The following PAX5 variants were observed in gnomAD, a reference collection of about 807,000 sequenced individuals.
The protein encoded by PAX5 is paired box protein Pax-5.
PAX5 carries 9 observed loss-of-function variants against 43.7 expected under a neutral mutation model. The observed-to-expected ratio is 0.21, with a 90% CI of 0.12 to 0.36. The LOEUF is 0.36. PAX5 is among the 10% of genes least tolerant of loss of function. The pLI is 1.00. For missense variants in PAX5, 383 were observed against 532.7 expected, an observed-to-expected ratio of 0.72 and a Z score of 2.77; for synonymous variants, 228 against 214.3, an observed-to-expected ratio of 1.06 and a Z score of -0.56.
intron 5 of PAX5, among the ~76,000 whole-genome samples, chr9:36,973,110 GAAAGGAAAGGAAAGGAAAGGAAAGA>G (rs1275555955): frequency 0.056 from 4,882 of 87,862 alleles, 132 homozygotes; most frequent in South Asian, 0.071. Flanking sequence ...GAAAGGAAAG[GAAAGGAAAGGAAAGGAAAGGAAAGA>G]AAAGGAAAGG....
At chr9:36,865,270 C>T in intron 8 of PAX5, among the ~76,000 whole-genome samples, 1 of 152,188 alleles carries the variant, frequency 6.6e-6, no homozygotes, top group South Asian at 2.1e-4. Flanking sequence ...CAGCAACCCT[C>T]AGCTTCTGAG....
chr9:37,029,975 C>T (rs752961379), intron 1 of PAX5, among the ~76,000 whole-genome samples: 1 of 152,140 alleles, frequency 6.6e-6, no homozygotes, highest in Non-Finnish European at 1.5e-5. Flanking sequence ...GGGGGAGGGG[C>T]GATGCTGCCA....
chr9:36,920,322 A>G (rs954012843), intron 7 of PAX5, among the ~76,000 whole-genome samples: 1 of 152,234 alleles, frequency 6.6e-6, no homozygotes, highest in Non-Finnish European at 1.5e-5. Flanking sequence ...GAAATCTTTC[A>G]TGAAAAGAAG....
intron 1 of PAX5, among the ~76,000 whole-genome samples, chr9:37,022,686 A>G (rs768688365): frequency 1.3e-5 from 2 of 152,250 alleles, no homozygotes; most frequent in Non-Finnish European, 2.9e-5. Context: ...CAGGACATTT[A>G]TGAGCACTGG....
At chr9:36,873,893 A>G (rs772609920) in intron 8 of PAX5, among the ~76,000 whole-genome samples, 1 of 152,206 alleles carries the variant, frequency 6.6e-6, no homozygotes, top group Non-Finnish European at 1.5e-5. Flanking sequence ...TGGGCAGTAT[A>G]TATTTTCTCC....
intron 3 of PAX5, 114 bp from the exon 4 acceptor site, chr9:37,006,651 G>A (rs41315993): frequency 1.9e-4 from 158 of 839,896 alleles, no homozygotes; most frequent in Non-Finnish European, 2.3e-4. Context: ...CATGGTTCGA[G>A]CTGAGGCAGA....
At chr9:36,955,796 TATATATACCC>T (rs201913574) in intron 6 of PAX5, among the ~76,000 whole-genome samples, 4,841 of 147,414 alleles carry the variant, frequency 0.033, 91 homozygotes, top group South Asian at 0.046. Context: ...TATATATATA[TATATATACCC>T]ACACACACAT....
Position 36,840,638 on chromosome 9 carries a change from TG to T in PAX5, c.1100-3del. 1 of 1,558,600 alleles carries T rather than the reference TG, an allele frequency of 6.4e-7. No individual in the cohort carries two copies. The highest frequency in any genetic ancestry group is 1.7e-4 in the Middle Eastern group (1 of 5,974). ...CAGCGCTATAATAGTAGGGGGAGCC[TG>T]GAAGAGACGGGAGAGAGCACCGAGG... On this transcript the variant is annotated splice_polypyrimidine_tract_variant and splice_region_variant and intron_variant, in intron 9 of 9. Transcript: ENST00000358127.
chr9:36,960,911 G>C (rs774178121), intron 6 of PAX5, among the ~76,000 whole-genome samples: 1 of 152,080 alleles, frequency 6.6e-6, no homozygotes, highest in Non-Finnish European at 1.5e-5. Context: ...ATTGCCACGG[G>C]GCTGCATTCT....
At chr9:36,886,014 G>A (rs1313652294) in intron 7 of PAX5, among the ~76,000 whole-genome samples, 2 of 152,090 alleles carry the variant, frequency 1.3e-5, no homozygotes, top group Non-Finnish European at 2.9e-5. Flanking sequence ...GCAAGCAGAA[G>A]CTTGATGTGT....
At chr9:36,925,750 T>G (rs1830595991) in intron 6 of PAX5, among the ~76,000 whole-genome samples, 1 of 152,196 alleles carries the variant, frequency 6.6e-6, no homozygotes, top group African/African-American at 2.4e-5. Flanking sequence ...CTGCCCTTCA[T>G]GGAAGGAAGA....
intron 5 of PAX5, among the ~76,000 whole-genome samples, chr9:36,974,291 G>C (rs949316624): frequency 6.6e-6 from 1 of 152,192 alleles, no homozygotes; most frequent in Non-Finnish European, 1.5e-5. Flanking sequence ...TCTGTCCCTA[G>C]CAAAGAATGA....
chr9:36,854,358 G>A (rs1823446961), intron 8 of PAX5, among the ~76,000 whole-genome samples: 1 of 152,130 alleles, frequency 6.6e-6, no homozygotes, highest in African/African-American at 2.4e-5. Context: ...TGCATATAAT[G>A]TATCTGTGTA....
chr9:36,863,969 C>T (rs1254008672), intron 8 of PAX5, among the ~76,000 whole-genome samples: 10 of 152,118 alleles, frequency 6.6e-5, no homozygotes, highest in Non-Finnish European at 1.0e-4. Flanking sequence ...ATTAGCTGGG[C>T]ATGGTGGCAT....
At chr9:36,897,063 G>A (rs74553606) in intron 7 of PAX5, among the ~76,000 whole-genome samples, 1,786 of 152,294 alleles carry the variant, frequency 0.012, 18 homozygotes, top group Non-Finnish European at 0.018. Flanking sequence ...GGACCTAGAA[G>A]GAGATTCGGG....
intron 6 of PAX5, among the ~76,000 whole-genome samples, chr9:36,955,763 T>C (rs1833391322): frequency 9.9e-6 from 1 of 100,704 alleles, no homozygotes; most frequent in African/African-American, 3.8e-5. Context: ...TTTCCCTCTT[T>C]TTGTTTCAAA....
chr9:36,988,662 C>CAAAAAAAAAAA (rs139552622), intron 5 of PAX5, among the ~76,000 whole-genome samples: 1 of 103,510 alleles, frequency 9.7e-6, no homozygotes, highest in African/African-American at 4.0e-5. Flanking sequence ...GACCCTGTCT[C>CAAAAAAAAAAA]AAAAAAAAAA....
In PAX5 at chr9:36,840,083, C is replaced by T. The variant is rs1169787186; in HGVS notation, c.*477G>A. On this transcript the variant is annotated 3_prime_UTR_variant, in exon 10 of 10. Transcript: ENST00000358127. Reference sequence around the variant, plus strand: ...TGCTCTGCCATAGGTCTAAGATGTCCGGTGATGCACCAAGAGTGCGAGATG... The same window carrying T: ...TGCTCTGCCATAGGTCTAAGATGTCTGGTGATGCACCAAGAGTGCGAGATG... 6 of 311,160 alleles carry T rather than the reference C, an allele frequency of 1.9e-5. No individual in the cohort carries two copies. Among genetic ancestry groups the T allele is most frequent in the African/African-American group, 6.4e-5 (3 of 46,820 alleles). The allele number at this position is 311,160 out of a possible 1,614,324, so 19.3% of individuals were successfully genotyped here. A position where few individuals can be genotyped will look rare whatever the true frequency, so the allele number is the denominator to read the frequency against.
intron 7 of PAX5, among the ~76,000 whole-genome samples, chr9:36,892,934 G>A (rs1311661352): frequency 2.0e-5 from 3 of 152,224 alleles, no homozygotes; most frequent in Non-Finnish European, 4.4e-5. Flanking sequence ...GAGGCGGATA[G>A]AGGAATTAAA....
Sources: gnomAD v4.1 joint callset for allele counts (sites outside exome capture counted in the v4.1 genomes callset) on GRCh38, gnomAD v4.1.1 for gene constraint, MANE v1.5 for transcripts, NCBI Gene and HGNC (gene_info 2026-07-23, HGNC 2026-07-21) for gene names.